CKM: variants seen among roughly 807,000 people sequenced by gnomAD.
The protein encoded by CKM is creatine kinase, M-type.
CKM carries 28 observed loss-of-function variants against 35.4 expected under a neutral mutation model. The ratio of observed to expected loss-of-function variants is 0.79; its 90% CI spans 0.59 to 1.08. CKM has a LOEUF of 1.08. Among genes scored for constraint, CKM ranks in the 50% least tolerant of loss-of-function variants. The pLI is 0.00. For missense variants in CKM, 484 were observed against 509.8 expected (o/e 0.95, Z 0.49); for synonymous variants, 215 against 204.4 (o/e 1.05, Z -0.44).
chr19:45,312,484 G>A (rs553714918), intron 4 of CKM, among the ~76,000 whole-genome samples: 225 of 151,532 alleles, frequency 1.5e-3, no homozygotes, highest in African/African-American at 5.2e-3. Flanking sequence ...GCGCAATGGC[G>A]CGATCTTGGC....
At chr19:45,310,234 C>T (rs1568509645) in intron 5 of CKM, among the ~76,000 whole-genome samples, 1 of 149,730 alleles carries the variant, frequency 6.7e-6, no homozygotes, top group Non-Finnish European at 1.5e-5. Context: ...CATTCTCCTG[C>T]CTCAGCCTCA....
chr19:45,322,566 C>T (rs1971223146), intron 1 of CKM, among the ~76,000 whole-genome samples: 1 of 152,180 alleles, frequency 6.6e-6, no homozygotes, highest in Non-Finnish European at 1.5e-5. Context: ...CCCCTTTCAT[C>T]TCGGATCCCT....
intron 3 of CKM, 132 bp from the exon 4 acceptor site, chr19:45,315,729 G>A (rs1971151526): frequency 5.0e-6 from 6 of 1,210,570 alleles, no homozygotes; most frequent in Non-Finnish European, 7.0e-6. Flanking sequence ...GATTGGGTGT[G>A]TGGAGCCTCT....
intron 2 of CKM, among the ~76,000 whole-genome samples, chr19:45,318,919 A>G (rs1416005340): frequency 6.7e-6 from 1 of 149,122 alleles, no homozygotes; most frequent in East Asian, 2.0e-4. Flanking sequence ...CAGTGGCGCG[A>G]TCTCGGCTTA....
At chr19:45,320,162 C>G (rs2123146519) in intron 1 of CKM, among the ~76,000 whole-genome samples, 1 of 152,168 alleles carries the variant, frequency 6.6e-6, no homozygotes, top group African/African-American at 2.4e-5. Context: ...CCTCGGCTCA[C>G]TGCAGCCTCC....
chr19:45,313,609 G>T (rs973433927), intron 4 of CKM, among the ~76,000 whole-genome samples: 1 of 152,202 alleles, frequency 6.6e-6, no homozygotes, highest in Non-Finnish European at 1.5e-5. Flanking sequence ...TGGTTTGGGA[G>T]GCTGAGGCAG....
In CKM at chr19:45,308,520, G is replaced by A. The variant is rs1971077483; in HGVS notation, c.666C>T (p.Asn222=). ...PDARGIWHND[N]KSFLVWVNEE... ...CGTTCACCCACACCAGGAAGCTCTT[G>A]TTGTCATTGTGCCTAGAGTAAGGTG... The change falls in exon 6 of 8, where the codon AAC becomes AAT. Residue 222 remains asparagine (N), a synonymous_variant. Coordinates refer to ENST00000221476, the MANE Select transcript of CKM (RefSeq NM_001824.5). 1.9e-6 allele frequency: 3 copies of A among 1,614,020 alleles called. No individual in the cohort carries two copies. The highest frequency in any genetic ancestry group is 1.7e-4 in the Middle Eastern group (1 of 6,060).
Position 45,306,677 on chromosome 19 carries a change from G to A in CKM, c.*73C>T. On this transcript the variant is annotated 3_prime_UTR_variant, in exon 8 of 8. Transcript: ENST00000221476. The surrounding 1 kb of genome is among the most constrained non-coding windows in gnomAD (Gnocchi z 4.5). ...GGACAGGGGGCGGGGCGAGGAGTGAGGGAGCAGGACTCTGGTGGGCCAGGC... is the reference window on the plus strand; with the variant it reads ...GGACAGGGGGCGGGGCGAGGAGTGAAGGAGCAGGACTCTGGTGGGCCAGGC... 1 of 1,520,222 alleles carries A rather than the reference G, an allele frequency of 6.6e-7. No individual in the cohort carries two copies. Among genetic ancestry groups the A allele is most frequent in the South Asian group, 1.1e-5 (1 of 89,114 alleles). The allele number at this position is 1,520,222 out of a possible 1,614,324, so 94.2% of individuals were successfully genotyped here. A position where few individuals can be genotyped will look rare whatever the true frequency, so the allele number is the denominator to read the frequency against.
chr19:45,316,439 C>T (rs1438388176), intron 3 of CKM, among the ~76,000 whole-genome samples: 2 of 151,254 alleles, frequency 1.3e-5, no homozygotes, highest in Non-Finnish European at 2.9e-5. Flanking sequence ...GATGGGATTA[C>T]AGGCATGAGC....
chr19:45,312,486 G>C (rs940512265), intron 4 of CKM, among the ~76,000 whole-genome samples: 2 of 151,512 alleles, frequency 1.3e-5, no homozygotes, highest in Non-Finnish European at 2.9e-5. Flanking sequence ...GCAATGGCGC[G>C]ATCTTGGCTC....
intron 4 of CKM, among the ~76,000 whole-genome samples, chr19:45,314,273 C>A (rs895871054): frequency 7.9e-5 from 12 of 152,148 alleles, no homozygotes; most frequent in African/African-American, 2.9e-4. Flanking sequence ...CAAGGCAAGG[C>A]CCTACACAAC....
intron 2 of CKM, among the ~76,000 whole-genome samples, chr19:45,318,525 G>T (rs1469173583): frequency 2.6e-5 from 4 of 151,990 alleles, no homozygotes; most frequent in Non-Finnish European, 5.9e-5. Context: ...AGTGCTGGGG[G>T]CGGGGTCAAA....
rs947813587 is a variant in CKM at position 45,306,422 on chromosome 19, C to A, written c.*328G>T. On this transcript the variant is annotated 3_prime_UTR_variant, in exon 8 of 8. Coordinates refer to ENST00000221476, the MANE Select transcript of CKM (RefSeq NM_001824.5). This position sits in a 1 kb window ranked among gnomAD's most constrained non-coding sequence, Gnocchi z 4.5. ...AACTATCGCACAAAGCTAAGGCCAC[C>A]AATGCTTTTATTTATCGCTTTGCGT... The A allele has an allele frequency of 4.9e-6, 2 of 405,964 alleles. No homozygotes were observed. Among genetic ancestry groups the A allele is most frequent in the Non-Finnish European group, 9.2e-6 (2 of 216,682 alleles). The allele number at this position is 405,964 out of a possible 1,614,324, so 25.1% of individuals were successfully genotyped here.
intron 1 of CKM, among the ~76,000 whole-genome samples, chr19:45,321,147 G>A (rs981118539): frequency 6.6e-6 from 1 of 151,012 alleles, no homozygotes; most frequent in African/African-American, 2.4e-5. Flanking sequence ...CAAGTGATCC[G>A]CCCACCTCTG....
At chr19:45,317,258 C>T (rs769046254) in intron 3 of CKM, among the ~76,000 whole-genome samples, 3 of 152,118 alleles carry the variant, frequency 2.0e-5, no homozygotes, top group Non-Finnish European at 4.4e-5. Flanking sequence ...CAGGCACGCG[C>T]CACCATGCCC....
At position 45,307,448 on chromosome 19, in the gene CKM, G is replaced by T. The variant is rs755204027; in HGVS notation, c.967+13C>A. 1.2e-6 allele frequency: 2 copies of T among 1,612,990 alleles called. No homozygotes were observed. Among genetic ancestry groups the T allele is most frequent in the African/African-American group, 1.3e-5 (1 of 75,006 alleles). On this transcript the variant is annotated intron_variant, in intron 7 of 7. Coordinates refer to ENST00000221476, the MANE Select transcript of CKM (RefSeq NM_001824.5). ...CCCCCTCCGTCGTGGTGCAAAGGAT[G>T]TGGGAGCCGTACCTGTACCCCTCTT...
At chr19:45,318,433 C>G (rs432979) in intron 2 of CKM, among the ~76,000 whole-genome samples, 26,297 of 149,210 alleles carry the variant, frequency 0.18, 3,117 homozygotes, top group African/African-American at 0.32. Context: ...AAAGAGAGAA[C>G]ACTGAGGACT....
At position 45,308,505 on chromosome 19, in the gene CKM, C is replaced by G; in HGVS notation, c.681G>C (p.Val227=). The part of the protein sequence containing the change: ...IWHNDNKSFL[V]WVNEEDHLRV... ...GGAGGTGATCCTCCTCGTTCACCCA[C>G]ACCAGGAAGCTCTTGTTGTCATTGT... The change falls in exon 6 of 8, where the codon GTG becomes GTC. Residue 227 remains valine, a synonymous_variant. Transcript: ENST00000221476. 2 of 1,614,162 alleles carry G rather than the reference C, an allele frequency of 1.2e-6. No homozygotes were observed. Among genetic ancestry groups the G allele is most frequent in the Non-Finnish European group, 8.5e-7 (1 of 1,180,000 alleles).
intron 3 of CKM, 78 bp downstream of exon 3, chr19:45,317,747 T>C (rs1023734267): frequency 1.3e-6 from 2 of 1,483,308 alleles, no homozygotes; most frequent in Admixed American, 1.7e-5. Flanking sequence ...GTCTCTGTAT[T>C]TCTCTGTCTC....
Sources: gnomAD v4.1 joint callset for allele counts (sites outside exome capture counted in the v4.1 genomes callset) on GRCh38, gnomAD v4.1.1 for gene constraint, Gnocchi (gnomAD v3.1) non-coding constraint, MANE v1.5 for transcripts, NCBI Gene and HGNC (gene_info 2026-07-23, HGNC 2026-07-21) for gene names.